The following RNF38 variants were observed in gnomAD, a reference collection of about 807,000 sequenced individuals.
RNF38 encodes the protein E3 ubiquitin-protein ligase RNF38.
In RNF38, 15 loss-of-function variants were observed where a neutral mutation model predicts 67.2. The observed-to-expected ratio is 0.22, with a 90% CI of 0.15 to 0.34. The LOEUF is 0.34. Ranked by LOEUF, RNF38 falls within the 10% of genes least tolerant of loss-of-function variation. RNF38 has a pLI of 1.00. For synonymous variants in RNF38, 220 were observed against 218.8 expected (o/e 1.01, Z -0.05); for missense variants, 524 against 639.9 (o/e 0.82, Z 1.95).
At chr9:36,344,311 G>A (rs777985631) in intron 10 of RNF38, among the ~76,000 whole-genome samples, 9 of 152,098 alleles carry the variant, frequency 5.9e-5, no homozygotes, top group African/African-American at 1.2e-4. Flanking sequence ...CACTGCGCCC[G>A]GCCTGAATTG....
intron 1 of RNF38, among the ~76,000 whole-genome samples, chr9:36,480,265 C>T (rs887913230): frequency 7.9e-5 from 12 of 152,230 alleles, no homozygotes; most frequent in Middle Eastern, 6.8e-3. Flanking sequence ...AGACGTGAGC[C>T]ACTGCGACTG....
At chr9:36,449,580 C>A (rs1218490546) in intron 1 of RNF38, among the ~76,000 whole-genome samples, 2 of 152,138 alleles carry the variant, frequency 1.3e-5, no homozygotes, top group Non-Finnish European at 2.9e-5. Flanking sequence ...GGACTACAGG[C>A]GCGTGCCAAC....
intron 6 of RNF38, among the ~76,000 whole-genome samples, chr9:36,353,942 A>C (rs563451115): frequency 6.6e-6 from 1 of 152,348 alleles, no homozygotes; most frequent in Admixed American, 6.5e-5. Flanking sequence ...TGTAGTTAAC[A>C]CTGGGAAACA....
chr9:36,426,829 C>G (rs901826058), intron 1 of RNF38, among the ~76,000 whole-genome samples: 18 of 152,188 alleles, frequency 1.2e-4, no homozygotes, highest in Admixed American at 3.3e-4. Flanking sequence ...AGTCACTTAA[C>G]AAATCATATG....
chr9:36,352,670 A>G (rs1833784910), intron 8 of RNF38, 72 bp downstream of exon 8: 1 of 1,109,994 alleles, frequency 9.0e-7, no homozygotes, highest in East Asian at 2.4e-5. Flanking sequence ...ATAGACACAA[A>G]GACATTCACA....
chr9:36,454,188 A>G (rs1037866715), intron 1 of RNF38, among the ~76,000 whole-genome samples: 6 of 152,006 alleles, frequency 3.9e-5, no homozygotes, highest in Non-Finnish European at 7.4e-5. Flanking sequence ...CAGTGGCGCA[A>G]TCTCGGCTCA....
At chr9:36,365,170 T>C (rs1834845679) in intron 4 of RNF38, among the ~76,000 whole-genome samples, 1 of 152,138 alleles carries the variant, frequency 6.6e-6, no homozygotes, top group African/African-American at 2.4e-5. Context: ...AAAAATCTAC[T>C]GAAAATTTAT....
intron 3 of RNF38, among the ~76,000 whole-genome samples, chr9:36,373,845 G>C (rs1271190597): frequency 6.6e-6 from 1 of 151,544 alleles, no homozygotes; most frequent in African/African-American, 2.4e-5. Context: ...GGAGTGCAAT[G>C]CACACCCGGC....
chr9:36,434,506 C>T (rs1839016857), intron 1 of RNF38, among the ~76,000 whole-genome samples: 1 of 152,190 alleles, frequency 6.6e-6, no homozygotes, highest in African/African-American at 2.4e-5. Flanking sequence ...CTGCCTTAAC[C>T]TCCCAGGTAG....
At chr9:36,482,781 T>G (rs1281516795) in intron 1 of RNF38, among the ~76,000 whole-genome samples, 1 of 152,210 alleles carries the variant, frequency 6.6e-6, no homozygotes, top group African/African-American at 2.4e-5. Flanking sequence ...CCATGAAAAG[T>G]TCACATGGAG....
intron 1 of RNF38, among the ~76,000 whole-genome samples, chr9:36,465,840 G>A (rs1364164163): frequency 1.3e-5 from 2 of 152,180 alleles, no homozygotes; most frequent in Non-Finnish European, 2.9e-5. Flanking sequence ...CACGAGGTCA[G>A]GAGATCGGGA....
rs762658840 is a variant in RNF38 at position 36,342,407 on chromosome 9, C to T, written c.1403G>A (p.Cys468Tyr). The change falls in exon 11 of 12, where the codon TGT (cysteine) becomes TAT (tyrosine). Residue 468 changes from cysteine (C) to tyrosine (Y), a missense_variant. Cys to Tyr is a radical substitution (Grantham distance 194). Transcript: ENST00000259605. ...SEQTLCVVCM[C>Y]DFESRQLLRV... ...AAGTAGCTGCCTTGACTCAAAATCACACATGCATACTACACACCTAAAAAA... is the reference window on the plus strand; with the variant it reads ...AAGTAGCTGCCTTGACTCAAAATCATACATGCATACTACACACCTAAAAAA... 3 of 1,612,738 alleles carry T rather than the reference C, an allele frequency of 1.9e-6. No individual in the cohort carries two copies. Among genetic ancestry groups the T allele is most frequent in the Admixed American group, 3.3e-5 (2 of 60,012 alleles).
At chr9:36,376,598 T>C (rs1327843726) in intron 2 of RNF38, among the ~76,000 whole-genome samples, 3 of 152,082 alleles carry the variant, frequency 2.0e-5, no homozygotes, top group African/African-American at 7.2e-5. Flanking sequence ...CCTCCTTCTA[T>C]CTGTTTAGGC....
intron 9 of RNF38, among the ~76,000 whole-genome samples, chr9:36,347,458 T>C (rs1191286249): frequency 2.0e-5 from 3 of 152,244 alleles, no homozygotes; most frequent in African/African-American, 7.2e-5. Flanking sequence ...TCATTTCATA[T>C]CCTGGTGTCA....
intron 6 of RNF38, among the ~76,000 whole-genome samples, chr9:36,354,007 G>T (rs1051839158): frequency 6.6e-6 from 1 of 152,082 alleles, no homozygotes; most frequent in African/African-American, 2.4e-5. Flanking sequence ...AGAAAACAAA[G>T]AACAGTTCAT....
At position 36,369,858 on chromosome 9, in the gene RNF38, T is replaced by C. The variant is rs976641932; in HGVS notation, c.431A>G (p.Tyr144Cys). The C allele has an allele frequency of 6.2e-7, 1 of 1,613,728 alleles. No homozygotes were observed. The highest frequency in any genetic ancestry group is 1.3e-5 in the African/African-American group (1 of 74,908). The change falls in exon 4 of 12, where the codon TAT becomes TGT. Residue 144 changes from tyrosine to cysteine, a missense_variant. Tyr to Cys is a radical substitution (Grantham distance 194). Transcript: ENST00000259605. Reference protein sequence around the residue: ...RHNSISQDENYHHLPYAQQQA... With the variant: ...RHNSISQDENCHHLPYAQQQA... ...CTGCTGTGCGTAAGGGAGATGGTGA[T>C]AGTTTTCATCTTGACTAATGGAATT... is the stretch of plus-strand genomic sequence containing the variant.
chr9:36,472,076 T>C (rs1325005217), intron 1 of RNF38, among the ~76,000 whole-genome samples: 2 of 152,246 alleles, frequency 1.3e-5, no homozygotes, highest in African/African-American at 4.8e-5. Flanking sequence ...TATGCAGTTT[T>C]AATAAAAATA....
intron 1 of RNF38, among the ~76,000 whole-genome samples, chr9:36,433,867 T>C (rs924970059): frequency 3.9e-5 from 6 of 152,034 alleles, no homozygotes; most frequent in Non-Finnish European, 7.4e-5. Context: ...CTCTCAAACA[T>C]TGCTAGTAGT....
At chr9:36,456,627 G>A (rs1035589561) in intron 1 of RNF38, among the ~76,000 whole-genome samples, 1 of 152,058 alleles carries the variant, frequency 6.6e-6, no homozygotes, top group African/African-American at 2.4e-5. Flanking sequence ...CTGCTGGGCT[G>A]AGGGTTTCTC....
Sources: allele counts gnomAD v4.1 joint callset (sites outside exome capture counted in the v4.1 genomes callset), GRCh38; gene constraint gnomAD v4.1.1; transcripts MANE v1.5; gene names NCBI Gene and HGNC (gene_info 2026-07-23, HGNC 2026-07-21).